The following TUSC3 variants were observed in gnomAD, a reference collection of about 807,000 sequenced individuals.
TUSC3 encodes dolichyl-diphosphooligosaccharide--protein glycosyltransferase subunit TUSC3.
Under a neutral mutation model 44.8 loss-of-function variants are expected in TUSC3, and 45 were observed. The ratio of observed to expected loss-of-function variants is 1.00; its 90% CI spans 0.79 to 1.29. The LOEUF is 1.29. Among genes scored for constraint, TUSC3 ranks in the 50% most tolerant of loss-of-function variants. TUSC3 has a pLI of 0.00. For synonymous variants in TUSC3, 212 were observed against 152.9 expected (o/e 1.39, Z -2.85); for missense variants, 519 against 437.9 (o/e 1.19, Z -1.65).
chr8:15,767,661 A>T (rs1161198401), downstream of TUSC3, among the ~76,000 whole-genome samples: 3 of 152,060 alleles, frequency 2.0e-5, no homozygotes, highest in African/African-American at 7.2e-5. Context: ...CTGGCTTTGG[A>T]GGGAGCAGAA....
At chr8:15,471,513 T>G (rs1240628199) in intron 1 of TUSC3, among the ~76,000 whole-genome samples, 2 of 134,930 alleles carry the variant, frequency 1.5e-5, no homozygotes, top group Non-Finnish European at 3.4e-5. Flanking sequence ...ATGAGATTTC[T>G]TAAATTAACT....
chr8:15,791,581 T>C, the TUSC3 span, among the ~76,000 whole-genome samples: 2 of 152,152 alleles, frequency 1.3e-5, no homozygotes, highest in Non-Finnish European at 2.9e-5. Flanking sequence ...CTGTTAGAAC[T>C]TCTCTTTTAT....
At chr8:15,584,079 T>G (rs1298089727) in intron 1 of TUSC3, among the ~76,000 whole-genome samples, 1 of 152,260 alleles carries the variant, frequency 6.6e-6, no homozygotes, top group East Asian at 1.9e-4. Flanking sequence ...GCTTAACTGT[T>G]TTAATATTTC....
At chr8:15,830,521 G>A in the TUSC3 span, among the ~76,000 whole-genome samples, 31 of 152,072 alleles carry the variant, frequency 2.0e-4, no homozygotes, top group Non-Finnish European at 2.2e-4. Flanking sequence ...GGTGTTTATC[G>A]ATGGATGACT....
At chr8:15,616,582 A>T (rs1286808955) in intron 1 of TUSC3, among the ~76,000 whole-genome samples, 1 of 150,558 alleles carries the variant, frequency 6.6e-6, no homozygotes, top group East Asian at 2.0e-4. Context: ...ATCTTAAAAT[A>T]AAATTAATCT....
the TUSC3 span, among the ~76,000 whole-genome samples, chr8:15,816,488 T>C: frequency 2.5e-3 from 385 of 152,254 alleles, 1 homozygote; most frequent in African/African-American, 8.8e-3. Flanking sequence ...AGAAAGATAT[T>C]TGAAGCATCC....
At chr8:15,566,580 A>G (rs979458168) in intron 1 of TUSC3, among the ~76,000 whole-genome samples, 4 of 151,436 alleles carry the variant, frequency 2.6e-5, no homozygotes, top group African/African-American at 9.7e-5. Context: ...GTACTTGTTT[A>G]TCCGACTTCA....
In TUSC3 at chr8:15,765,826, G is replaced by A. The variant is rs1405162094; in HGVS notation, c.*1670G>A. On this transcript the variant is annotated 3_prime_UTR_variant, in exon 11 of 11. Coordinates refer to ENST00000503731, the MANE Select transcript of TUSC3 (RefSeq NM_006765.4). ...GACCTGTAATTCTTAATCCATTGTA[G>A]ATTTTTTACATTTTACTCAAAACTT... is the stretch of plus-strand genomic sequence containing the variant. 6.6e-6 allele frequency: 1 copy of A among 151,916 alleles called. No individual in the cohort carries two copies. Among genetic ancestry groups the A allele is most frequent in the African/African-American group, 2.4e-5 (1 of 41,390 alleles). 9.4% of individuals were successfully genotyped at this position (151,916 alleles called of 1,614,324 possible).
chr8:15,597,406 C>G (rs1167273342), intron 1 of TUSC3, among the ~76,000 whole-genome samples: 3 of 152,000 alleles, frequency 2.0e-5, no homozygotes, highest in Non-Finnish European at 1.5e-5. Context: ...ATATTAGTTG[C>G]TAGTATATGT....
At chr8:15,728,024 T>C (rs1481144513) in intron 6 of TUSC3, among the ~76,000 whole-genome samples, 1 of 152,214 alleles carries the variant, frequency 6.6e-6, no homozygotes, top group African/African-American at 2.4e-5. Context: ...GTGTTATAGA[T>C]CAGTTTCATG....
chr8:15,562,816 A>G (rs1357515269), intron 1 of TUSC3, among the ~76,000 whole-genome samples: 1 of 152,168 alleles, frequency 6.6e-6, no homozygotes, highest in Non-Finnish European at 1.5e-5. Flanking sequence ...CACTAGGATC[A>G]CTTTTGTGAC....
the TUSC3 span, among the ~76,000 whole-genome samples, chr8:15,830,236 T>C: frequency 1.3e-5 from 2 of 152,186 alleles, no homozygotes; most frequent in Non-Finnish European, 2.9e-5. Flanking sequence ...TCCCCCATTC[T>C]GTAGGTTGTC....
At chr8:15,719,434 C>T (rs1810204469) in intron 6 of TUSC3, among the ~76,000 whole-genome samples, 1 of 151,710 alleles carries the variant, frequency 6.6e-6, no homozygotes, top group Non-Finnish European at 1.5e-5. Flanking sequence ...ACTTCTGACT[C>T]CCTTACTTTT....
intron 5 of TUSC3, among the ~76,000 whole-genome samples, chr8:15,666,536 A>T (rs1371186652): frequency 6.6e-6 from 1 of 151,522 alleles, no homozygotes; most frequent in Non-Finnish European, 1.5e-5. Context: ...TGGCATGTAC[A>T]CATTGTGATT....
intron 2 of TUSC3, among the ~76,000 whole-genome samples, chr8:15,488,646 G>T: frequency 6.6e-6 from 1 of 152,080 alleles, no homozygotes; most frequent in African/African-American, 2.4e-5. Flanking sequence ...ACGTCATGAG[G>T]GTAGAGTCCC....
At chr8:15,750,174 TTTCACTGTGTTAG>T (rs750666453) in intron 9 of TUSC3, among the ~76,000 whole-genome samples, 17 of 151,806 alleles carry the variant, frequency 1.1e-4, no homozygotes, top group Non-Finnish European at 2.2e-4. Context: ...AGACGCAGAG[TTTCACTGTGTTAG>T]CCAGGATGGT....
rs1284229424 is a variant in TUSC3, at chr8:15,669,560, A to AC, written c.709-4187_709-4186insC. Among the ~76,000 whole-genome samples the AC allele has an allele frequency of 1.9e-3, 292 of 151,988 alleles. 1 individual carries two copies. The highest frequency in any genetic ancestry group is 6.9e-3 in the African/African-American group (285 of 41,534). Reference sequence around the variant, plus strand: ...TGTCAAGTTATTTCACTAATACAAGAATGGTTTACCATGTGAAAATTATCA... The same window carrying AC: ...TGTCAAGTTATTTCACTAATACAAGACATGGTTTACCATGTGAAAATTATCA... On this transcript the variant is annotated intron_variant, in intron 5 of 10. Coordinates refer to ENST00000503731, the MANE Select transcript of TUSC3 (RefSeq NM_006765.4).
At chr8:15,773,342 G>C in the TUSC3 span, among the ~76,000 whole-genome samples, 1 of 151,746 alleles carries the variant, frequency 6.6e-6, no homozygotes, top group East Asian at 1.9e-4. Context: ...GTCTGAAAAA[G>C]GAAATTAAGA....
the TUSC3 span, among the ~76,000 whole-genome samples, chr8:15,786,411 G>A: frequency 2.6e-5 from 4 of 152,118 alleles, no homozygotes; most frequent in African/African-American, 7.2e-5. Context: ...TAAAATGAAA[G>A]ATAAAATAAT....
Sources: gnomAD v4.1 joint callset for allele counts (sites outside exome capture counted in the v4.1 genomes callset) on GRCh38, gnomAD v4.1.1 for gene constraint, MANE v1.5 for transcripts, NCBI Gene and HGNC (gene_info 2026-07-23, HGNC 2026-07-21) for gene names.